DNMT3A: variants seen among roughly 807,000 people sequenced by gnomAD.
DNMT3A encodes the protein DNA (cytosine-5)-methyltransferase 3A.
DNMT3A carries 267 observed loss-of-function variants against 117.6 expected under a neutral mutation model. The ratio of observed to expected loss-of-function variants is 2.27; its 90% CI spans 2.05 to 2.51. The LOEUF (loss-of-function observed/expected upper bound fraction) is 2.51, where lower values mean the gene tolerates loss of function less well. DNMT3A is among the 30% of genes most tolerant of loss of function. The pLI, the probability that DNMT3A is intolerant of heterozygous loss-of-function variation, is 0.00. For synonymous variants in DNMT3A, 432 were observed against 474.8 expected (o/e 0.91, Z 1.17); for missense variants, 1,029 against 1,260.2 (o/e 0.82, Z 2.78).
intron 1 of DNMT3A, among the ~76,000 whole-genome samples, chr2:25,338,515 C>T (rs1272077260): frequency 6.6e-6 from 1 of 152,162 alleles, no homozygotes; most frequent in Non-Finnish European, 1.5e-5. Flanking sequence ...CAGCGGCGCA[C>T]AGCAGCAGGG....
At chr2:25,259,255 C>G (rs754451347) in intron 6 of DNMT3A, among the ~76,000 whole-genome samples, 10 of 152,228 alleles carry the variant, frequency 6.6e-5, no homozygotes, top group Non-Finnish European at 1.5e-4. Context: ...CTGGGTCTGC[C>G]CAGCTCTACC....
intron 4 of DNMT3A, among the ~76,000 whole-genome samples, chr2:25,280,371 C>T (rs1218330431): frequency 1.4e-5 from 2 of 138,488 alleles, no homozygotes; most frequent in Non-Finnish European, 3.1e-5. Context: ...GGCCTGTCTG[C>T]CCCAGCACTT....
chr2:25,268,781 C>A (rs1002906894), intron 6 of DNMT3A, among the ~76,000 whole-genome samples: 1 of 152,154 alleles, frequency 6.6e-6, no homozygotes, highest in Non-Finnish European at 1.5e-5. Flanking sequence ...CCTGTCAGCA[C>A]CCCTGGAAAA....
intron 20 of DNMT3A, among the ~76,000 whole-genome samples, chr2:25,238,338 A>C (rs1039801124): frequency 6.6e-6 from 1 of 152,216 alleles, no homozygotes; most frequent in African/African-American, 2.4e-5. Context: ...GGGAATAGCA[A>C]GGAGGGAGAT....
chr2:25,291,315 GC>G (rs961040169), intron 3 of DNMT3A, among the ~76,000 whole-genome samples: 16 of 152,334 alleles, frequency 1.1e-4, no homozygotes, highest in African/African-American at 3.8e-4. Context: ...ATGACTGCCC[GC>G]CCCCGCCCTT....
intron 6 of DNMT3A, among the ~76,000 whole-genome samples, chr2:25,272,803 CTTT>C (rs1217338234): frequency 5.4e-5 from 7 of 130,666 alleles, no homozygotes; most frequent in Admixed American, 1.5e-4. Context: ...TGCACTTTCT[CTTT>C]TTTTTTTTTT....
intron 6 of DNMT3A, among the ~76,000 whole-genome samples, chr2:25,263,044 T>A (rs1002920369): frequency 7.2e-5 from 11 of 152,164 alleles, no homozygotes; most frequent in African/African-American, 2.7e-4. Flanking sequence ...CACTGCAGCC[T>A]CGACCTCAGC....
chr2:25,264,141 T>TTG (rs1301735079), intron 6 of DNMT3A, among the ~76,000 whole-genome samples: 1 of 131,346 alleles, frequency 7.6e-6, no homozygotes, highest in Non-Finnish European at 1.6e-5. Flanking sequence ...GGTTTTTTTT[T>TTG]TTTTTTTTTT....
At chr2:25,318,722 G>A (rs960683361) in intron 1 of DNMT3A, among the ~76,000 whole-genome samples, 2 of 142,906 alleles carry the variant, frequency 1.4e-5, no homozygotes, top group African/African-American at 2.6e-5. Context: ...TTTTGAGATG[G>A]AGTCTCGCTC....
At chr2:25,246,383 T>G (rs1674773229) in intron 10 of DNMT3A, 74 bp from the exon 11 acceptor site, 16 of 1,515,216 alleles carry the variant, frequency 1.1e-5, no homozygotes, top group Non-Finnish European at 1.4e-5. Context: ...CCACCCTCCT[T>G]ACAGTGGGGT....
chr2:25,261,237 G>A (rs1304534250), intron 6 of DNMT3A, among the ~76,000 whole-genome samples: 1 of 152,044 alleles, frequency 6.6e-6, no homozygotes, highest in Admixed American at 6.6e-5. Context: ...TCAGGAGTTT[G>A]AGACTAGCCT....
At position 25,247,094 on chromosome 2, in the gene DNMT3A, T is replaced by C; in HGVS notation, c.1079A>G (p.Asn360Ser). Reference protein sequence around the residue: ...FCSAFHQATYNKQPMYRKAIY... With the variant: ...FCSAFHQATYSKQPMYRKAIY... ...GGCTTTGCGGTACATGGGCTGCTTG[T>C]TGTACGTGGCCTGGTGGAACGCACT... The change falls in exon 9 of 23, where the codon AAC becomes AGC. Residue 360 changes from asparagine to serine, a missense_variant. Transcript: ENST00000321117. This position sits in a 1 kb window ranked among gnomAD's most constrained non-coding sequence, Gnocchi z 5.6. 6.2e-7 allele frequency: 1 copy of C among 1,614,124 alleles called. No individual in the cohort carries two copies. Among genetic ancestry groups the C allele is most frequent in the Non-Finnish European group, 8.5e-7 (1 of 1,180,004 alleles).
chr2:25,255,920 GT>G (rs1406043300), intron 6 of DNMT3A, among the ~76,000 whole-genome samples: 2 of 152,052 alleles, frequency 1.3e-5, no homozygotes, highest in Non-Finnish European at 2.9e-5. Flanking sequence ...CATGCCTGAC[GT>G]TTTACTCAAA....
At chr2:25,258,355 AC>A (rs1016824027) in intron 6 of DNMT3A, among the ~76,000 whole-genome samples, 2 of 152,172 alleles carry the variant, frequency 1.3e-5, no homozygotes, top group South Asian at 2.1e-4. Flanking sequence ...GGGCAGGGGC[AC>A]CCCCCTAACC....
chr2:25,328,731 G>A (rs750078467), intron 1 of DNMT3A: 1 of 502,766 alleles, frequency 2.0e-6, no homozygotes, highest in Admixed American at 2.2e-5. Context: ...CCCATTCTAG[G>A]GGTCGCTTGG....
Position 25,246,169 on chromosome 2 carries a change from G to A in DNMT3A, c.1420C>T (p.Arg474Cys), listed in dbSNP as rs775263815. Reference sequence around the variant, plus strand: ...GAAGCAGGCCAACTACCTCTTGTGCGCTCATCAATAATCTCCTTGACCTTG... The same window carrying A: ...GAAGCAGGCCAACTACCTCTTGTGCACTCATCAATAATCTCCTTGACCTTG... ...KPKVKEIIDE[R>C]TRERLVYEVR... Residue 474 changes from arginine (R) to cysteine (C), a missense_variant, in exon 11 of 23, where the codon CGC becomes TGC. Transcript: ENST00000321117. The A allele has an allele frequency of 6.2e-6, 10 of 1,613,942 alleles. No individual in the cohort carries two copies. The highest frequency in any genetic ancestry group is 2.2e-5 in the East Asian group (1 of 44,892).
intron 6 of DNMT3A, among the ~76,000 whole-genome samples, chr2:25,256,720 T>C (rs1676169965): frequency 6.6e-6 from 1 of 152,176 alleles, no homozygotes; most frequent in South Asian, 2.1e-4. Flanking sequence ...CTTTCCCTTC[T>C]GTCCCTTATC....
rs2033714434 is a variant in DNMT3A at position 25,305,072 on chromosome 2, G to C, written c.73-4829C>G. ...CAAGGCAGGCACTTGATGAATGACT[G>C]TCACAGAGTAGGTGCCTGACGTGAG... is the stretch of plus-strand genomic sequence containing the variant. On this transcript the variant is annotated intron_variant, in intron 2 of 22. Transcript: ENST00000321117. This position sits in a 1 kb window ranked among gnomAD's most constrained non-coding sequence, Gnocchi z 4.1. Among the ~76,000 whole-genome samples the C allele has an allele frequency of 6.6e-6, 1 of 152,232 alleles. No individual in the cohort carries two copies. Among genetic ancestry groups the C allele is most frequent in the Non-Finnish European group, 1.5e-5 (1 of 68,050 alleles).
chr2:25,300,715 ATATATATATATATATATATATATAT>A (rs2033425222), intron 2 of DNMT3A, among the ~76,000 whole-genome samples: 2 of 4,548 alleles, frequency 4.4e-4, no homozygotes, highest in Non-Finnish European at 1.0e-3. Flanking sequence ...ATAATATAAT[ATATATATATATATATATATATATAT>A]ATATATATAT....
Sources: gnomAD v4.1 joint callset for allele counts (sites outside exome capture counted in the v4.1 genomes callset) on GRCh38, gnomAD v4.1.1 for gene constraint, Gnocchi (gnomAD v3.1) non-coding constraint, MANE v1.5 for transcripts, NCBI Gene and HGNC (gene_info 2026-07-23, HGNC 2026-07-21) for gene names.